BRCA1: variants seen among roughly 807,000 people sequenced by gnomAD.
BRCA1 encodes breast cancer type 1 susceptibility protein.
A neutral mutation model predicts 173.7 loss-of-function variants in BRCA1; 140 were observed. The ratio of observed to expected loss-of-function variants is 0.81; its 90% CI spans 0.70 to 0.93. The LOEUF (loss-of-function observed/expected upper bound fraction) is 0.93. BRCA1 is among the 40% of genes least tolerant of loss of function. The pLI is 0.00. For synonymous variants in BRCA1, 662 were observed against 756.0 expected (o/e 0.88, Z 2.04); for missense variants, 1,983 against 2,172.5 (o/e 0.91, Z 1.73).
chr17:43,047,723 A>G lies in BRCA1; in HGVS notation c.5407-20T>C, dbSNP rs1156875493. The stretch of plus-strand genomic sequence containing the variant: ...GACACCCTGGATCCCCAGGAAGGAA[A>G]GAGCATTCAAAGTGTCAAAGTAGGA... On this transcript the variant is annotated intron_variant, in intron 21 of 22. Coordinates refer to ENST00000357654, the MANE Select transcript of BRCA1 (RefSeq NM_007294.4). 1 of 1,613,854 alleles carries G rather than the reference A, an allele frequency of 6.2e-7. No homozygotes were observed. The highest frequency in any genetic ancestry group is 8.5e-7 in the Non-Finnish European group (1 of 1,179,770).
At position 43,100,040 on chromosome 17, in the gene BRCA1, A is replaced by C. The variant is rs1292236973; in HGVS notation, c.442-160T>G. The stretch of plus-strand genomic sequence containing the variant: ...AATGCCCAGGAATTTACACACTAAA[A>C]TGTCTGGGGCTGGGAGCGGTAGCTC... On this transcript the variant is annotated intron_variant, in intron 6 of 22. Transcript: ENST00000357654. 1.3e-5 allele frequency among the ~76,000 whole-genome samples: 2 copies of C among 152,152 alleles called. 1 individual carries two copies. Among genetic ancestry groups the C allele is most frequent in the Non-Finnish European group, 2.9e-5 (2 of 68,022 alleles).
intron 11 of BRCA1, among the ~76,000 whole-genome samples, chr17:43,086,543 G>T (rs990495497): frequency 6.6e-6 from 1 of 152,030 alleles, no homozygotes; most frequent in Non-Finnish European, 1.5e-5. Context: ...TGACTTCAAC[G>T]GTTTTGGGTA....
intron 3 of BRCA1, chr17:43,112,613 GAAAC>G (rs1490185206): frequency 1.3e-5 from 2 of 151,870 alleles, no homozygotes; most frequent in Non-Finnish European, 1.5e-5. Flanking sequence ...CTGTCTCAAA[GAAAC>G]AAACAAAAAT....
At chr17:43,077,164 C>T (rs543890833) in intron 12 of BRCA1, among the ~76,000 whole-genome samples, 165 of 151,792 alleles carry the variant, frequency 1.1e-3, no homozygotes, top group Non-Finnish European at 2.1e-3. Context: ...TTTTCAATTA[C>T]CGAAAAAAAA....
At chr17:43,149,471 G>A (rs750787240) in intron 1 of BRCA1, among the ~76,000 whole-genome samples, 3 of 151,994 alleles carry the variant, frequency 2.0e-5, no homozygotes, top group Non-Finnish European at 4.4e-5. Flanking sequence ...CTGACATCAA[G>A]TGATCCGCCC....
upstream of BRCA1, among the ~76,000 whole-genome samples, chr17:43,128,953 C>A (rs1462499284): frequency 6.6e-6 from 1 of 151,976 alleles, no homozygotes; most frequent in African/African-American, 2.4e-5. Flanking sequence ...CCACCACTCC[C>A]GGCCTCAGCT....
At chr17:43,075,842 C>T (rs980793338) in intron 13 of BRCA1, among the ~76,000 whole-genome samples, 1 of 152,048 alleles carries the variant, frequency 6.6e-6, no homozygotes, top group African/African-American at 2.4e-5. Context: ...TAAATGTTTT[C>T]TGGCTTTGGG....
chr17:43,166,143 TG>T (rs2056266270), intron 1 of BRCA1: 1 of 150,500 alleles, frequency 6.6e-6, no homozygotes, highest in Non-Finnish European at 1.5e-5. Context: ...TCTGTGTGTG[TG>T]TGTGTGTGTG....
intron 3 of BRCA1, among the ~76,000 whole-genome samples, chr17:43,110,311 G>T (rs1468687967): frequency 6.6e-6 from 1 of 152,142 alleles, no homozygotes; most frequent in Non-Finnish European, 1.5e-5. Flanking sequence ...TACTGGCCAG[G>T]CATGATGACT....
At chr17:43,148,531 C>CTCA (rs1325397027) in intron 1 of BRCA1, 1 of 152,214 alleles carries the variant, frequency 6.6e-6, no homozygotes, top group Non-Finnish European at 1.5e-5. Context: ...GCTCCTGAGA[C>CTCA]TCATTGTCCA....
rs80357960 is a variant in BRCA1 at position 43,093,267 on chromosome 17, TC to T, written c.2263del (p.Glu755LysfsTer10). 1.2e-6 allele frequency: 2 copies of T among 1,614,086 alleles called. No individual in the cohort carries two copies. Among genetic ancestry groups the T allele is most frequent in the Non-Finnish European group, 1.7e-6 (2 of 1,179,988 alleles). ...EDPKDLMLSGERVLQTERSVE... is the reference protein window; with the variant it reads ...EDPKDLMLSGXRVLQTERSVE... The stretch of plus-strand genomic sequence containing the variant: ...AGATCTTTCAGTTTGCAAAACCCTT[TC>T]TCCACTTAACATGAGATCTTTGGGG... On this transcript the variant is annotated frameshift_variant, in exon 10 of 23. Transcript: ENST00000357654. LOFTEE classifies it high-confidence loss of function.
chr17:43,095,825 G>T, intron 9 of BRCA1, 21 bp downstream of exon 9: 1 of 1,593,742 alleles, frequency 6.3e-7, no homozygotes, highest in Non-Finnish European at 8.6e-7. Context: ...TGCCTGTTAA[G>T]TTGGCAAACT....
rs1337779176 is a variant in BRCA1 at position 43,063,724 on chromosome 17, T to C, written c.5152+150A>G. On this transcript the variant is annotated intron_variant, in intron 17 of 22. Coordinates refer to ENST00000357654, the MANE Select transcript of BRCA1 (RefSeq NM_007294.4). ...ACCAGCTTATCTGAACAAAGTGATA[T>C]TAAAGATAAAAGTAGTTTAGTATTA... The C allele has an allele frequency of 1.2e-5, 8 of 692,398 alleles. No individual in the cohort carries two copies. In the South Asian group the frequency reaches 1.2e-4, roughly 11 times the overall value. 42.9% of individuals were successfully genotyped at this position (692,398 alleles called of 1,614,324 possible).
At chr17:43,103,936 G>A (rs1359757715) in intron 6 of BRCA1, among the ~76,000 whole-genome samples, 186 bp downstream of exon 6, 2 of 151,614 alleles carry the variant, frequency 1.3e-5, no homozygotes, top group African/African-American at 4.8e-5. Flanking sequence ...ATGAAACCCC[G>A]TCTCTACTAA....
At chr17:43,087,934 C>T (rs2053293633) in intron 11 of BRCA1, among the ~76,000 whole-genome samples, 1 of 151,386 alleles carries the variant, frequency 6.6e-6, no homozygotes, top group Admixed American at 6.6e-5. Context: ...TTGCCCAGAA[C>T]AGAGTGCAGT....
At chr17:43,059,086 T>C (rs1192317379) in intron 18 of BRCA1, among the ~76,000 whole-genome samples, 3 of 152,306 alleles carry the variant, frequency 2.0e-5, no homozygotes, top group East Asian at 3.9e-4. Flanking sequence ...ATGTTCATAG[T>C]CCTCCTTGTA....
chr17:43,163,836 T>A (rs191188962), intron 1 of BRCA1: 2 of 152,390 alleles, frequency 1.3e-5, no homozygotes, highest in East Asian at 1.9e-4. Flanking sequence ...GTGAGAGACA[T>A]GAAGTGAACT....
rs786203578 is a variant in BRCA1 at position 43,094,189 on chromosome 17, G to A, written c.1342C>T (p.His448Tyr). ...EALICKSERV[H>Y]SKSVESNIED... The stretch of plus-strand genomic sequence containing the variant: ...ATATTACTCTCTACTGATTTGGAGT[G>A]AACTCTTTCACTTTTACATATTAAA... Residue 448 changes from histidine (H) to tyrosine (Y), a missense_variant, in exon 10 of 23, where the codon CAC becomes TAC. Physicochemically the swap from His to Tyr is moderately conservative, Grantham distance 83 (BLOSUM62 2). Coordinates refer to ENST00000357654, the MANE Select transcript of BRCA1 (RefSeq NM_007294.4). 6 of 1,613,900 alleles carry A rather than the reference G, an allele frequency of 3.7e-6. No homozygotes were observed. In the African/African-American group the frequency reaches 6.7e-5, roughly 18 times the overall value.
chr17:43,044,390 TG>T lies in BRCA1; in HGVS notation c.*1287del, dbSNP rs755411080. On this transcript the variant is annotated 3_prime_UTR_variant, in exon 23 of 23. Coordinates refer to ENST00000357654, the MANE Select transcript of BRCA1 (RefSeq NM_007294.4). ...TCAAGTCTTCACTGCCCTTGCACAC[TG>T]GGGGGGCTAGGGAAGACCTAGTCCT... The T allele has an allele frequency of 1.6e-5, 8 of 506,554 alleles. No homozygotes were observed. The highest frequency in any genetic ancestry group is 8.8e-5 in the East Asian group (2 of 22,670). 31.4% of individuals were successfully genotyped at this position (506,554 alleles called of 1,614,324 possible). A position where few individuals can be genotyped will look rare whatever the true frequency, so the allele number is the denominator to read the frequency against.
Sources: allele counts gnomAD v4.1 joint callset (sites outside exome capture counted in the v4.1 genomes callset), GRCh38; gene constraint gnomAD v4.1.1; transcripts MANE v1.5; gene names NCBI Gene and HGNC (gene_info 2026-07-23, HGNC 2026-07-21).